The following NKAIN2 variants were observed in gnomAD, a reference collection of about 807,000 sequenced individuals.
NKAIN2 encodes the protein sodium/potassium transporting ATPase interacting 2.
In NKAIN2, 14 loss-of-function variants were observed where a neutral mutation model predicts 32.6. The observed-to-expected ratio is 0.43, with a 90% CI of 0.28 to 0.67. NKAIN2 has a LOEUF of 0.67. Among genes scored for constraint, NKAIN2 ranks in the 30% least tolerant of loss-of-function variants. NKAIN2 has a pLI of 0.17. For synonymous variants in NKAIN2, 80 were observed against 87.2 expected (o/e 0.92, Z 0.46); for missense variants, 198 against 258.3 (o/e 0.77, Z 1.60).
intron 1 of NKAIN2, among the ~76,000 whole-genome samples, chr6:124,235,839 C>T (rs561996199): frequency 5.7e-4 from 86 of 152,086 alleles, no homozygotes; most frequent in African/African-American, 1.9e-3. Flanking sequence ...CCTCATGATC[C>T]GCCCATCTCA....
chr6:124,759,943 G>A (rs568406509), intron 4 of NKAIN2, among the ~76,000 whole-genome samples: 32 of 152,036 alleles, frequency 2.1e-4, no homozygotes, highest in African/African-American at 7.2e-4. Context: ...CAGAGGCACA[G>A]GAATAAAAGG....
In NKAIN2 at chr6:124,751,798, G is replaced by C. The variant is rs984929418; in HGVS notation, c.475-39541G>C. Among the ~76,000 whole-genome samples, 5 of 145,504 alleles carry C rather than the reference G, an allele frequency of 3.4e-5. No homozygotes were observed. In the Admixed American group the frequency reaches 3.6e-4, roughly 10 times the overall value. On this transcript the variant is annotated intron_variant, in intron 4 of 6. Coordinates refer to ENST00000368417, the MANE Select transcript of NKAIN2 (RefSeq NM_001040214.3). Reference sequence around the variant, plus strand: ...GTTGGAGACCAACCTGGGTAACATAGTGAGACCCCATCTCAATAAATAAAT... The same window carrying C: ...GTTGGAGACCAACCTGGGTAACATACTGAGACCCCATCTCAATAAATAAAT...
intron 3 of NKAIN2, among the ~76,000 whole-genome samples, chr6:124,573,809 T>A (rs1781225480): frequency 6.6e-6 from 1 of 152,176 alleles, no homozygotes; most frequent in Admixed American, 6.5e-5. Context: ...AATCTCCTTT[T>A]AGGTAAAATG....
At chr6:124,702,178 A>G (rs1774824512) in intron 4 of NKAIN2, among the ~76,000 whole-genome samples, 1 of 152,122 alleles carries the variant, frequency 6.6e-6, no homozygotes, top group South Asian at 2.1e-4. Flanking sequence ...AAAACCAGGC[A>G]TGGGAAGCAT....
chr6:124,354,185 A>C (rs1325320980), intron 2 of NKAIN2, among the ~76,000 whole-genome samples: 1 of 152,112 alleles, frequency 6.6e-6, no homozygotes, highest in Non-Finnish European at 1.5e-5. Context: ...AGGACAGGTT[A>C]TGTACTCCTC....
intron 1 of NKAIN2, among the ~76,000 whole-genome samples, chr6:124,089,687 G>A (rs1471350063): frequency 6.6e-6 from 1 of 151,946 alleles, no homozygotes; most frequent in Admixed American, 6.6e-5. Flanking sequence ...AGAAAGAAGG[G>A]ATTGTTCATT....
At chr6:124,730,086 C>T (rs1776579269) in intron 4 of NKAIN2, among the ~76,000 whole-genome samples, 1 of 93,574 alleles carries the variant, frequency 1.1e-5, no homozygotes, top group Non-Finnish European at 2.1e-5. Flanking sequence ...AAGAACATTC[C>T]ATGCTCATGA....
chr6:123,864,464 T>C (rs1050309440), intron 1 of NKAIN2, among the ~76,000 whole-genome samples: 4 of 152,200 alleles, frequency 2.6e-5, no homozygotes, highest in Admixed American at 2.6e-4. Flanking sequence ...TGAGTCCCTA[T>C]TCTTATGAAG....
At chr6:124,549,094 C>T (rs918144435) in intron 3 of NKAIN2, among the ~76,000 whole-genome samples, 4 of 152,098 alleles carry the variant, frequency 2.6e-5, no homozygotes, top group Non-Finnish European at 5.9e-5. Flanking sequence ...AGGCCAGGCG[C>T]GATGGCTCAC....
In NKAIN2 at chr6:124,823,727, T is replaced by C. The variant is rs566978682; in HGVS notation, c.*498T>C. ...ACAAACGAAACATGCCATGATGACCTTGTACCCGAAGTCCGAAATGGCAGA... is the reference window on the plus strand; with the variant it reads ...ACAAACGAAACATGCCATGATGACCCTGTACCCGAAGTCCGAAATGGCAGA... On this transcript the variant is annotated 3_prime_UTR_variant, in exon 7 of 7. Coordinates refer to ENST00000368417, the MANE Select transcript of NKAIN2 (RefSeq NM_001040214.3). The C allele has an allele frequency of 8.8e-5, 14 of 158,548 alleles. No individual in the cohort carries two copies. The highest frequency in any genetic ancestry group is 6.7e-4 in the Admixed American group (11 of 16,506). The allele number at this position is 158,548 out of a possible 1,614,324, so 9.8% of individuals were successfully genotyped here.
chr6:124,507,972 G>A (rs1456313663), intron 3 of NKAIN2, among the ~76,000 whole-genome samples: 1 of 152,010 alleles, frequency 6.6e-6, no homozygotes, highest in African/African-American at 2.4e-5. Context: ...ACCCAATTAG[G>A]CCAGGCACAA....
intron 1 of NKAIN2, among the ~76,000 whole-genome samples, chr6:123,839,243 AT>A (rs1324386244): frequency 6.6e-6 from 1 of 151,736 alleles, no homozygotes; most frequent in Non-Finnish European, 1.5e-5. Context: ...AAAAAAAAAA[AT>A]TGGAGTCAAT....
chr6:124,823,728 T>C lies in NKAIN2; in HGVS notation c.*499T>C, dbSNP rs1450233982. 1 of 158,526 alleles carries C rather than the reference T, an allele frequency of 6.3e-6. No individual in the cohort carries two copies. The highest frequency in any genetic ancestry group is 1.4e-5 in the Non-Finnish European group (1 of 71,454). The allele number at this position is 158,526 out of a possible 1,614,324, so 9.8% of individuals were successfully genotyped here. A position where few individuals can be genotyped will look rare whatever the true frequency, so the allele number is the denominator to read the frequency against. On this transcript the variant is annotated 3_prime_UTR_variant, in exon 7 of 7. Coordinates refer to ENST00000368417, the MANE Select transcript of NKAIN2 (RefSeq NM_001040214.3). ...CAAACGAAACATGCCATGATGACCT[T>C]GTACCCGAAGTCCGAAATGGCAGAT...
At chr6:124,104,272 C>T (rs1203410885) in intron 1 of NKAIN2, among the ~76,000 whole-genome samples, 1 of 152,008 alleles carries the variant, frequency 6.6e-6, no homozygotes, top group Non-Finnish European at 1.5e-5. Flanking sequence ...CATGGAAAAA[C>T]TTTGAATTAA....
At chr6:123,949,683 T>C (rs762120570) in intron 1 of NKAIN2, among the ~76,000 whole-genome samples, 10 of 152,042 alleles carry the variant, frequency 6.6e-5, no homozygotes, top group Non-Finnish European at 1.3e-4. Flanking sequence ...TATTTATCGG[T>C]TTAAGATTTT....
intron 3 of NKAIN2, among the ~76,000 whole-genome samples, chr6:124,576,015 G>A (rs928233530): frequency 6.6e-6 from 1 of 152,288 alleles, no homozygotes; most frequent in Admixed American, 6.5e-5. Context: ...TGTTGAGGTA[G>A]AAATTGTGTT....
chr6:124,504,160 A>G (rs1778392025), intron 3 of NKAIN2, among the ~76,000 whole-genome samples: 1 of 152,248 alleles, frequency 6.6e-6, no homozygotes, highest in African/African-American at 2.4e-5. Flanking sequence ...TACACCAACA[A>G]TATACACCAG....
intron 3 of NKAIN2, among the ~76,000 whole-genome samples, chr6:124,429,340 G>A (rs1037994124): frequency 6.6e-6 from 1 of 152,026 alleles, no homozygotes; most frequent in Non-Finnish European, 1.5e-5. Flanking sequence ...GAGCCACTGC[G>A]CCTGGCCCAT....
chr6:124,490,775 A>T (rs1474963597), intron 3 of NKAIN2, among the ~76,000 whole-genome samples: 1 of 151,820 alleles, frequency 6.6e-6, no homozygotes, highest in African/African-American at 2.4e-5. Context: ...GTGTAATACA[A>T]TTAGAAAATA....
Sources: gnomAD v4.1 joint callset for allele counts (sites outside exome capture counted in the v4.1 genomes callset) on GRCh38, gnomAD v4.1.1 for gene constraint, MANE v1.5 for transcripts, NCBI Gene and HGNC (gene_info 2026-07-23, HGNC 2026-07-21) for gene names.